The following SLC7A2 variants were observed in gnomAD, a reference collection of about 807,000 sequenced individuals.
The protein encoded by SLC7A2 is cationic amino acid transporter 2.
SLC7A2 carries 48 observed loss-of-function variants against 58.9 expected under a neutral mutation model. The ratio of observed to expected loss-of-function variants is 0.82; its 90% CI spans 0.65 to 1.04. The LOEUF is 1.04. Ranked by LOEUF, SLC7A2 falls within the 50% of genes least tolerant of loss-of-function variation. The probability of loss-of-function intolerance (pLI) is 0.00; values close to 1 mark genes in which losing one functional copy is unlikely to be tolerated. For synonymous variants in SLC7A2, 363 were observed against 314.5 expected, an observed-to-expected ratio of 1.15 and a Z score of -1.63; for missense variants, 1,029 against 818.8, an observed-to-expected ratio of 1.26 and a Z score of -3.13.
Position 17,551,949 on chromosome 8 carries a change from G to GTCGTC in SLC7A2, c.1019_1023dup (p.Ala342SerfsTer24). 1.2e-6 allele frequency: 2 copies of GTCGTC among 1,614,088 alleles called. No individual in the cohort carries two copies. Among genetic ancestry groups the GTCGTC allele is most frequent in the Non-Finnish European group, 8.5e-7 (1 of 1,180,030 alleles). ...TGTGGGATGGGGTCCTGCCAAATAT[G>GTCGTC]TCGTCGCAGCTGGTTCTCTCTGCGC... On this transcript the variant is annotated frameshift_variant, in exon 7 of 13. Transcript: ENST00000494857. LOFTEE classifies it high-confidence loss of function.
At chr8:17,554,805 T>C (rs1208854861) in intron 8 of SLC7A2, 106 bp downstream of exon 8, 2 of 1,452,676 alleles carry the variant, frequency 1.4e-6, no homozygotes, top group East Asian at 4.6e-5. Flanking sequence ...TTCCAAGAAG[T>C]TCAGTCACTT....
chr8:17,495,306 G>A (rs978500559), upstream of SLC7A2, among the ~76,000 whole-genome samples: 11 of 152,024 alleles, frequency 7.2e-5, no homozygotes, highest in African/African-American at 2.4e-4. Context: ...TTAAAAATTA[G>A]ACAAAGTATC....
chr8:17,564,835 C>A (rs56314154), intron 12 of SLC7A2, 115 bp from the exon 13 acceptor site: 1 of 893,764 alleles, frequency 1.1e-6, no homozygotes, highest in Non-Finnish European at 1.6e-6. Flanking sequence ...TTCTAAAGTA[C>A]TACAGAAAGG....
At chr8:17,530,156 G>A (rs1413075970) in intron 2 of SLC7A2, among the ~76,000 whole-genome samples, 1 of 151,980 alleles carries the variant, frequency 6.6e-6, no homozygotes, top group African/African-American at 2.4e-5. Flanking sequence ...TGGTTTCTTA[G>A]CTTTAATTTT....
At chr8:17,503,766 CT>C (rs1260582230) in intron 2 of SLC7A2, among the ~76,000 whole-genome samples, 1 of 152,188 alleles carries the variant, frequency 6.6e-6, no homozygotes, top group African/African-American at 2.4e-5. Context: ...TCTGTATGGA[CT>C]TTTTGTTTAA....
chr8:17,538,650 T>C (rs1376336374), intron 2 of SLC7A2: 5 of 619,526 alleles, frequency 8.1e-6, no homozygotes, highest in African/African-American at 5.7e-5. Context: ...TGAAAATTTA[T>C]CTTGGAACTT....
intron 4 of SLC7A2, among the ~76,000 whole-genome samples, chr8:17,548,213 C>T (rs771330760): frequency 3.3e-5 from 5 of 152,102 alleles, no homozygotes; most frequent in Non-Finnish European, 7.3e-5. Flanking sequence ...TGGTGGCACA[C>T]ACCTGTAGTC....
intron 2 of SLC7A2, among the ~76,000 whole-genome samples, chr8:17,533,501 A>C (rs954792127): frequency 5.3e-5 from 8 of 152,220 alleles, no homozygotes; most frequent in Admixed American, 1.3e-4. Flanking sequence ...ATTGAATTCT[A>C]ACAATTAATT....
chr8:17,509,205 A>G (rs1800495597), intron 2 of SLC7A2, among the ~76,000 whole-genome samples: 2 of 152,242 alleles, frequency 1.3e-5, no homozygotes, highest in African/African-American at 2.4e-5. Context: ...GTTGAACTAT[A>G]TAATCTGAAA....
At position 17,550,329 on chromosome 8, in the gene SLC7A2, A is replaced by ATC; in HGVS notation, c.729_730dup (p.Tyr244SerfsTer51). 2 of 1,614,086 alleles carry ATC rather than the reference A, an allele frequency of 1.2e-6. No homozygotes were observed. Among genetic ancestry groups the ATC allele is most frequent in the Non-Finnish European group, 1.7e-6 (2 of 1,179,964 alleles). On this transcript the variant is annotated frameshift_variant, in exon 6 of 13. Coordinates refer to ENST00000494857, the MANE Select transcript of SLC7A2 (RefSeq NM_001370338.1). LOFTEE classifies it high-confidence loss of function. ...GCCACCTTCTGAAAACGGAACAAGT[A>ATC]TCTATGGGGCTGGTGGCTTTATGCC...
Position 17,569,423 on chromosome 8 carries a change from A to G in SLC7A2, c.*4277A>G, listed in dbSNP as rs1329390942. On this transcript the variant is annotated 3_prime_UTR_variant, in exon 13 of 13. Transcript: ENST00000494857. ...ATAAAGTTCTCCCACATGTCCTTAA[A>G]TATCAAGGGGGAAAGTATGGATATT... 6.6e-6 allele frequency: 1 copy of G among 152,154 alleles called. No homozygotes were observed. Among genetic ancestry groups the G allele is most frequent in the Non-Finnish European group, 1.5e-5 (1 of 68,024 alleles). 9.4% of individuals were successfully genotyped at this position (152,154 alleles called of 1,614,324 possible).
At chr8:17,537,203 C>G (rs532635210) in intron 2 of SLC7A2, among the ~76,000 whole-genome samples, 1 of 152,116 alleles carries the variant, frequency 6.6e-6, no homozygotes, top group South Asian at 2.1e-4. Flanking sequence ...ATTACAGGCA[C>G]GTAACACCAT....
rs1454117327 is a variant in SLC7A2 at position 17,560,477 on chromosome 8, C to G, written c.1448C>G (p.Ser483Cys). 3.7e-6 allele frequency: 6 copies of G among 1,613,860 alleles called. No homozygotes were observed. The highest frequency in any genetic ancestry group is 5.1e-6 in the Non-Finnish European group (6 of 1,179,900). ...AGCATGCGGACCCTCTTCTGCCCCT[C>G]CCTTCTGCCAACACAGCAGTCAGCT... is the stretch of plus-strand genomic sequence containing the variant. ...GFSMRTLFCP[S>C]LLPTQQSASL... Residue 483 changes from serine to cysteine, a missense_variant, in exon 10 of 13, where the codon TCC becomes TGC. Physicochemically the swap from Ser to Cys is moderately radical, Grantham distance 112. Transcript: ENST00000494857.
Position 17,558,393 on chromosome 8 carries a change from C to G in SLC7A2, c.1294C>G (p.Leu432Val), listed in dbSNP as rs564791329. ...YSLVAACVLI[L>V]RYQPGLSYDQ... ...TCTGGTGGCAGCCTGTGTTCTCATC[C>G]TCAGGTGAGTCACCTGGTGGTTCTA... The change falls in exon 9 of 13, where the codon CTC becomes GTC. Residue 432 changes from leucine to valine, a missense_variant. Physicochemically the swap from Leu to Val is conservative, Grantham distance 32. Coordinates refer to ENST00000494857, the MANE Select transcript of SLC7A2 (RefSeq NM_001370338.1). 6.2e-7 allele frequency: 1 copy of G among 1,603,238 alleles called. No individual in the cohort carries two copies. Among genetic ancestry groups the G allele is most frequent in the East Asian group, 2.2e-5 (1 of 44,796 alleles).
At chr8:17,535,099 G>T (rs558149046) in intron 2 of SLC7A2, among the ~76,000 whole-genome samples, 3 of 152,054 alleles carry the variant, frequency 2.0e-5, no homozygotes, top group African/African-American at 4.8e-5. Context: ...TTCTACGTCT[G>T]GCTTAAAGTT....
At chr8:17,495,674 C>G (rs1310837353), upstream of SLC7A2, among the ~76,000 whole-genome samples, 1 of 152,150 alleles carries the variant, frequency 6.6e-6, no homozygotes, top group African/African-American at 2.4e-5. Context: ...CTCAACCTCC[C>G]GAGTAGCTGG....
At chr8:17,554,752 C>A in intron 8 of SLC7A2, 53 bp downstream of exon 8, 1 of 1,534,656 alleles carries the variant, frequency 6.5e-7, no homozygotes, top group Non-Finnish European at 8.8e-7. Context: ...TCATCAAGGA[C>A]TCTGCATTAA....
At chr8:17,503,114 G>T (rs185953888) in intron 2 of SLC7A2, among the ~76,000 whole-genome samples, 1 of 151,788 alleles carries the variant, frequency 6.6e-6, no homozygotes, top group Non-Finnish European at 1.5e-5. Flanking sequence ...GCAGTGGCGC[G>T]ATCTCGGCTC....
chr8:17,529,394 A>G (rs1262262370), intron 2 of SLC7A2, among the ~76,000 whole-genome samples: 1 of 152,112 alleles, frequency 6.6e-6, no homozygotes, highest in Non-Finnish European at 1.5e-5. Context: ...GTGATGGTAT[A>G]TATATAGCAG....
Sources: allele counts gnomAD v4.1 joint callset (sites outside exome capture counted in the v4.1 genomes callset), GRCh38; gene constraint gnomAD v4.1.1; transcripts MANE v1.5; gene names NCBI Gene and HGNC (gene_info 2026-07-23, HGNC 2026-07-21).